Variants in HCN1 observed in about 807,000 individuals in gnomAD.
The protein encoded by HCN1 is hyperpolarization activated cyclic nucleotide gated potassium channel 1, also known as potassium/sodium hyperpolarization-activated cyclic nucleotide-gated channel 1.
HCN1 carries 13 observed loss-of-function variants against 78.9 expected under a neutral mutation model. The ratio of observed to expected loss-of-function variants is 0.16; its 90% CI spans 0.11 to 0.26. The LOEUF (loss-of-function observed/expected upper bound fraction) is 0.26, where lower values mean the gene tolerates loss of function less well. Among genes scored for constraint, HCN1 ranks in the 10% least tolerant of loss-of-function variants. The pLI is 1.00. For missense variants in HCN1, 810 were observed against 1,154.3 expected (o/e 0.70, Z 4.32); for synonymous variants, 552 against 455.5 (o/e 1.21, Z -2.70).
At chr5:45,498,602 G>A (rs978646143) in intron 2 of HCN1, among the ~76,000 whole-genome samples, 15 of 152,144 alleles carry the variant, frequency 9.9e-5, no homozygotes, top group South Asian at 6.2e-4. Context: ...GTCATTTTCC[G>A]TCCAGCTTCC....
At chr5:45,446,753 AT>A (rs1271659649) in intron 3 of HCN1, among the ~76,000 whole-genome samples, 2 of 152,150 alleles carry the variant, frequency 1.3e-5, no homozygotes, top group African/African-American at 4.8e-5. Flanking sequence ...AAAGAAAAGA[AT>A]TTTCAACCCA....
At chr5:45,636,928 T>C (rs1745366642) in intron 2 of HCN1, among the ~76,000 whole-genome samples, 1 of 152,206 alleles carries the variant, frequency 6.6e-6, no homozygotes, top group South Asian at 2.1e-4. Context: ...ACAAACTCAT[T>C]TTGAGATTTT....
chr5:45,334,535 T>A (rs959950862), intron 5 of HCN1, among the ~76,000 whole-genome samples: 3 of 152,116 alleles, frequency 2.0e-5, no homozygotes, highest in African/African-American at 7.2e-5. Flanking sequence ...TATACTTTTT[T>A]CCCATGTGTT....
intron 2 of HCN1, among the ~76,000 whole-genome samples, chr5:45,593,309 CT>C (rs1488659866): frequency 2.4e-4 from 18 of 74,898 alleles, no homozygotes; most frequent in South Asian, 9.9e-4. Flanking sequence ...CTCTCTCTCT[CT>C]CTCTCTCTCT....
intron 4 of HCN1, among the ~76,000 whole-genome samples, chr5:45,381,846 A>G (rs1051842311): frequency 2.0e-5 from 3 of 152,086 alleles, no homozygotes; most frequent in Non-Finnish European, 4.4e-5. Flanking sequence ...TGGTCTTTTC[A>G]AAACTAAAAA....
chr5:45,558,524 G>C (rs1270488918), intron 2 of HCN1: 1 of 152,098 alleles, frequency 6.6e-6, no homozygotes, highest in African/African-American at 2.4e-5. Flanking sequence ...TGAAATATTG[G>C]AAAAATATGC....
intron 2 of HCN1, among the ~76,000 whole-genome samples, chr5:45,598,195 AT>A (rs1579991785): frequency 1.3e-5 from 2 of 152,330 alleles, no homozygotes; most frequent in East Asian, 1.9e-4. Flanking sequence ...CCAAAACAAC[AT>A]GGTACTGGTA....
At chr5:45,309,313 C>A (rs1177218025) in intron 5 of HCN1, among the ~76,000 whole-genome samples, 1 of 152,130 alleles carries the variant, frequency 6.6e-6, no homozygotes, top group Non-Finnish European at 1.5e-5. Flanking sequence ...CATTCGCAAA[C>A]AGGGATAGCT....
chr5:45,605,573 T>A (rs138103078), intron 2 of HCN1, among the ~76,000 whole-genome samples: 1 of 151,856 alleles, frequency 6.6e-6, no homozygotes, highest in Non-Finnish European at 1.5e-5. Flanking sequence ...GTGGACAGCA[T>A]TATCAAAATT....
intron 5 of HCN1, among the ~76,000 whole-genome samples, chr5:45,337,752 T>C (rs1746493827): frequency 6.6e-6 from 1 of 152,036 alleles, no homozygotes; most frequent in Admixed American, 6.6e-5. Context: ...ATGTGATTGA[T>C]GGAGAATGAC....
At position 45,492,422 on chromosome 5, in the gene HCN1, T is replaced by TATAA. The variant is rs1491255534; in HGVS notation, c.850-30416_850-30415insTTAT. Among the ~76,000 whole-genome samples the TATAA allele has an allele frequency of 2.8e-4, 38 of 135,794 alleles. 1 individual carries two copies. Among genetic ancestry groups the TATAA allele is most frequent in the Admixed American group, 1.3e-3 (17 of 13,262 alleles). 89.1% of individuals were successfully genotyped at this position (135,794 alleles called of 152,430 possible). ...ATATATATATATATATATATATATA[T>TATAA]AAAATTTGAAGTAAAATCTTCTTTT... On this transcript the variant is annotated intron_variant, in intron 2 of 7. Coordinates refer to ENST00000303230, the MANE Select transcript of HCN1 (RefSeq NM_021072.4).
chr5:45,529,205 A>G (rs1205180377), intron 2 of HCN1, among the ~76,000 whole-genome samples: 2 of 151,988 alleles, frequency 1.3e-5, no homozygotes, highest in Admixed American at 1.3e-4. Context: ...CCTTTCCTAA[A>G]CATGTCTTTG....
At chr5:45,324,737 G>T (rs1007811422) in intron 5 of HCN1, among the ~76,000 whole-genome samples, 2 of 151,742 alleles carry the variant, frequency 1.3e-5, no homozygotes, top group Non-Finnish European at 2.9e-5. Flanking sequence ...GAAATGGCTA[G>T]CTAGCCAAAG....
intron 4 of HCN1, among the ~76,000 whole-genome samples, chr5:45,386,984 C>T (rs1579861531): frequency 6.6e-6 from 1 of 151,866 alleles, no homozygotes; most frequent in East Asian, 1.9e-4. Flanking sequence ...AACAAATATA[C>T]TATTGTAAGA....
At chr5:45,609,939 C>T (rs968504862) in intron 2 of HCN1, among the ~76,000 whole-genome samples, 3 of 152,060 alleles carry the variant, frequency 2.0e-5, no homozygotes, top group Admixed American at 2.0e-4. Flanking sequence ...TATAAAAGAC[C>T]TTGGCATTAG....
At chr5:45,372,234 AT>A (rs1747409794) in intron 4 of HCN1, among the ~76,000 whole-genome samples, 1 of 74,524 alleles carries the variant, frequency 1.3e-5, no homozygotes, top group East Asian at 5.0e-4. Context: ...TATAATATAT[AT>A]TATATTTTAT....
At chr5:45,664,465 A>C (rs1402570610) in intron 1 of HCN1, among the ~76,000 whole-genome samples, 1 of 146,162 alleles carries the variant, frequency 6.8e-6, no homozygotes, top group East Asian at 1.9e-4. Context: ...AATAATAATA[A>C]AAAAAAGAAA....
At chr5:45,574,069 T>A (rs1561206293) in intron 2 of HCN1, among the ~76,000 whole-genome samples, 1 of 152,108 alleles carries the variant, frequency 6.6e-6, no homozygotes, top group African/African-American at 2.4e-5. Context: ...AGTATATGAA[T>A]CATAAAATTT....
chr5:45,684,877 A>G (rs1434971569), intron 1 of HCN1, among the ~76,000 whole-genome samples: 1 of 152,196 alleles, frequency 6.6e-6, no homozygotes, highest in African/African-American at 2.4e-5. Flanking sequence ...ACAAATAAAC[A>G]AAAAACTAAT....
Sources: gnomAD v4.1 joint callset for allele counts (sites outside exome capture counted in the v4.1 genomes callset) on GRCh38, gnomAD v4.1.1 for gene constraint, MANE v1.5 for transcripts, NCBI Gene and HGNC (gene_info 2026-07-23, HGNC 2026-07-21) for gene names.